SECISBP2: variants seen among roughly 807,000 people sequenced by gnomAD.
SECISBP2 encodes the protein SECIS binding protein 2, also known as selenocysteine insertion sequence-binding protein 2.
SECISBP2 carries 96 observed loss-of-function variants against 98.2 expected under a neutral mutation model. The observed-to-expected ratio is 0.98, with a 90% CI of 0.83 to 1.16. SECISBP2 has a LOEUF of 1.16. Among genes scored for constraint, SECISBP2 ranks in the 50% most tolerant of loss-of-function variants. SECISBP2 has a pLI of 0.00. For missense variants in SECISBP2, 1,046 were observed against 1,022.9 expected (o/e 1.02, Z -0.31); for synonymous variants, 407 against 370.2 (o/e 1.10, Z -1.14).
chr9:89,325,922 C>A lies in SECISBP2; in HGVS notation c.458C>A (p.Thr153Lys). The change falls in exon 4 of 17, where the codon ACG becomes AAG. Residue 153 changes from threonine (T) to lysine (K), a missense_variant. By Grantham distance (78) the Thr-to-Lys change is moderately conservative. Transcript: ENST00000375807. ...FKKKTYDEKKTYDQQKFDSER... is the reference protein window; with the variant it reads ...FKKKTYDEKKKYDQQKFDSER... ...AAGAAAACCTATGATGAGAAAAAAA[C>A]GTATGATCAGCAAAAGTTTGACAGT... is the stretch of plus-strand genomic sequence containing the variant. 3.1e-6 allele frequency: 5 copies of A among 1,613,786 alleles called. No homozygotes were observed. Among genetic ancestry groups the A allele is most frequent in the Non-Finnish European group, 4.2e-6 (5 of 1,179,916 alleles).
intron 14 of SECISBP2, chr9:89,355,221 C>T: frequency 1.0e-6 from 1 of 985,408 alleles, no homozygotes; most frequent in Non-Finnish European, 1.2e-6. Flanking sequence ...TGATACTATG[C>T]TAATTGTAAA....
chr9:89,356,313 A>T (rs1832065099), intron 14 of SECISBP2, among the ~76,000 whole-genome samples: 1 of 152,202 alleles, frequency 6.6e-6, no homozygotes, highest in Non-Finnish European at 1.5e-5. Context: ...CCGTGGAAAA[A>T]TTGTCTTCCA....
rs1475836990 is a variant in SECISBP2, at chr9:89,355,566, C to A, written c.2114-1845C>A. ...CTTTGGGTAAGAGTTCCAAGTATTT[C>A]TTCTGGTTTGTCAGTTTCTCCACCA... On this transcript the variant is annotated intron_variant, in intron 14 of 16. Transcript: ENST00000375807. 7.1e-6 allele frequency: 7 copies of A among 982,978 alleles called. No homozygotes were observed. In the East Asian group the frequency reaches 4.5e-4, roughly 64 times the overall value. The allele number at this position is 982,978 out of a possible 1,614,324, so 60.9% of individuals were successfully genotyped here.
Position 89,332,673 on chromosome 9 carries a change from C to T in SECISBP2, c.802-235C>T. 5.5e-6 allele frequency: 3 copies of T among 542,598 alleles called. No individual in the cohort carries two copies. In the East Asian group the frequency reaches 9.6e-5, roughly 17 times the overall value. The allele number at this position is 542,598 out of a possible 1,614,324, so 33.6% of individuals were successfully genotyped here. On this transcript the variant is annotated intron_variant, in intron 5 of 16. Coordinates refer to ENST00000375807, the MANE Select transcript of SECISBP2 (RefSeq NM_024077.5). Reference sequence around the variant, plus strand: ...TTGTGTGGACATAAGTTTTCACCTCCTTTGGATAATTACCAAGGAGTGCAG... The same window carrying T: ...TTGTGTGGACATAAGTTTTCACCTCTTTTGGATAATTACCAAGGAGTGCAG...
At chr9:89,333,520 T>C (rs1828101716) in intron 6 of SECISBP2, among the ~76,000 whole-genome samples, 1 of 152,252 alleles carries the variant, frequency 6.6e-6, no homozygotes, top group South Asian at 2.1e-4. Flanking sequence ...GCTCTGTAGA[T>C]CTGCCATGGC....
intron 6 of SECISBP2, chr9:89,333,958 C>A: frequency 1.0e-6 from 1 of 965,016 alleles, no homozygotes. Flanking sequence ...TGGGGGTAGC[C>A]ACAGGCTGCT....
rs1400748529 is a variant in SECISBP2, at chr9:89,358,107, C to T, written c.2377C>T (p.Pro793Ser). The T allele has an allele frequency of 6.8e-6, 11 of 1,613,726 alleles. No individual in the cohort carries two copies. Among genetic ancestry groups the T allele is most frequent in the East Asian group, 2.2e-5 (1 of 44,896 alleles). ...ELVGEPRPQA[P>S]PSLPTQGPSC... is the part of the protein sequence containing the mutation. Reference sequence around the variant, plus strand: ...GGTGGGAGAGCCCAGGCCTCAGGCACCTCCCAGCCTACCCACACAGGGCCC... The same window carrying T: ...GGTGGGAGAGCCCAGGCCTCAGGCATCTCCCAGCCTACCCACACAGGGCCC... Residue 793 changes from proline (P) to serine (S), a missense_variant, in exon 16 of 17, where the codon CCT becomes TCT. Transcript: ENST00000375807.
chr9:89,334,830 T>C (rs1464053135), intron 7 of SECISBP2, 100 bp downstream of exon 7: 1 of 900,654 alleles, frequency 1.1e-6, no homozygotes, highest in African/African-American at 1.6e-5. Flanking sequence ...AGTTTCAGTT[T>C]TGCTAGGGGA....
At chr9:89,345,156 C>G (rs1364938281) in intron 10 of SECISBP2, among the ~76,000 whole-genome samples, 1 of 152,184 alleles carries the variant, frequency 6.6e-6, no homozygotes, top group Non-Finnish European at 1.5e-5. Flanking sequence ...ATAGCTCATC[C>G]CTATAGCGAG....
intron 2 of SECISBP2, 99 bp downstream of exon 2, chr9:89,319,896 C>A: frequency 8.0e-7 from 1 of 1,250,260 alleles, no homozygotes; most frequent in Non-Finnish European, 1.2e-6. Flanking sequence ...TAAAGTTCTG[C>A]AGATGATGAG....
At chr9:89,365,577 C>T in the SECISBP2 span, 1 of 152,228 alleles carries the variant, frequency 6.6e-6, no homozygotes, top group Non-Finnish European at 1.5e-5. Context: ...CTCACAATGA[C>T]AAAATGAAGT....
intron 4 of SECISBP2, among the ~76,000 whole-genome samples, chr9:89,327,812 GT>G (rs555623897): frequency 8.1e-4 from 111 of 136,826 alleles, no homozygotes; most frequent in Non-Finnish European, 8.9e-4. Flanking sequence ...GTCGTTTTGT[GT>G]TTTTTTTTTT....
intron 2 of SECISBP2, among the ~76,000 whole-genome samples, chr9:89,320,539 C>T (rs1367382529): frequency 6.6e-6 from 1 of 152,112 alleles, no homozygotes; most frequent in African/African-American, 2.4e-5. Context: ...GGGGAGGGGA[C>T]TAGCAACCAT....
chr9:89,342,425 C>G (rs1423555541), intron 10 of SECISBP2, among the ~76,000 whole-genome samples: 2 of 152,190 alleles, frequency 1.3e-5, no homozygotes, highest in African/African-American at 4.8e-5. Flanking sequence ...AGCGATTTCA[C>G]TCCTCAGCAT....
At chr9:89,350,899 G>A (rs915396240) in intron 14 of SECISBP2, 47 bp downstream of exon 14, 6 of 1,490,460 alleles carry the variant, frequency 4.0e-6, no homozygotes, top group Non-Finnish European at 5.6e-6. Context: ...CTGCATGAGT[G>A]CCTAGTGTGC....
At position 89,349,792 on chromosome 9, in the gene SECISBP2, C is replaced by T. The variant is rs754866869; in HGVS notation, c.1755C>T (p.Asp585=). Residue 585 remains aspartate, a synonymous_variant, in exon 13 of 17, where the codon GAC becomes GAT. Transcript: ENST00000375807. ...QAELSGPEGM[D]ELISTPSVED... ...TCCATGAAGGGCCAGAGGGGATGGA[C>T]GAACTGATCTCCACTCCTTCGGTTG... is the stretch of plus-strand genomic sequence containing the variant. 9.3e-6 allele frequency: 15 copies of T among 1,614,044 alleles called. No individual in the cohort carries two copies. Among genetic ancestry groups the T allele is most frequent in the Admixed American group, 1.7e-5 (1 of 59,998 alleles).
At chr9:89,318,839 T>C (rs1019579546) in intron 1 of SECISBP2, 8 of 1,273,104 alleles carry the variant, frequency 6.3e-6, no homozygotes, top group Non-Finnish European at 6.9e-6. Context: ...GCCGCGTCTG[T>C]GGTGCGATGT....
chr9:89,324,177 C>G (rs991384093), intron 2 of SECISBP2: 1 of 152,106 alleles, frequency 6.6e-6, no homozygotes, highest in Non-Finnish European at 1.5e-5. Flanking sequence ...AAATACAGCA[C>G]AGAATTCACA....
At chr9:89,359,825 G>C (rs931142672), downstream of SECISBP2, among the ~76,000 whole-genome samples, 1 of 152,178 alleles carries the variant, frequency 6.6e-6, no homozygotes, top group African/African-American at 2.4e-5. Flanking sequence ...AAAGCCTCCA[G>C]CACTGCACAG....
Sources: gnomAD v4.1 joint callset for allele counts (sites outside exome capture counted in the v4.1 genomes callset) on GRCh38, gnomAD v4.1.1 for gene constraint, MANE v1.5 for transcripts, NCBI Gene and HGNC (gene_info 2026-07-23, HGNC 2026-07-21) for gene names.